PCDHGC5: variants seen among roughly 807,000 people sequenced by gnomAD.
PCDHGC5 encodes the protein protocadherin gamma subfamily C, 5, also known as protocadherin gamma-C5.
In PCDHGC5, 25 loss-of-function variants were observed where a neutral mutation model predicts 59.0. The ratio of observed to expected loss-of-function variants is 0.42; its 90% CI spans 0.31 to 0.59. PCDHGC5 has a LOEUF of 0.59. Ranked by LOEUF, PCDHGC5 falls within the 20% of genes least tolerant of loss-of-function variation. The pLI is 0.13. For synonymous variants in PCDHGC5, 434 were observed against 505.5 expected (o/e 0.86, Z 1.90); for missense variants, 1,067 against 1,206.4 (o/e 0.88, Z 1.71).
intron 3 of PCDHGC5, among the ~76,000 whole-genome samples, chr5:141,509,211 C>T (rs962706371): frequency 2.0e-5 from 3 of 152,180 alleles, no homozygotes; most frequent in African/African-American, 4.8e-5. Context: ...CTCTCTATTT[C>T]TCAATCCCTG....
intron 2 of PCDHGC5, among the ~76,000 whole-genome samples, chr5:141,502,625 T>G (rs2099815384): frequency 6.6e-6 from 1 of 152,210 alleles, no homozygotes; most frequent in Admixed American, 6.5e-5. Context: ...ATAAGTAATC[T>G]GTGGATGATA....
chr5:141,504,937 G>A (rs1350441435), intron 2 of PCDHGC5, among the ~76,000 whole-genome samples: 2 of 152,054 alleles, frequency 1.3e-5, no homozygotes, highest in East Asian at 1.9e-4. Context: ...GGTGGGTGGG[G>A]GAATGCACTA....
At chr5:141,496,021 G>T (rs1011612662) in intron 2 of PCDHGC5, among the ~76,000 whole-genome samples, 2 of 151,336 alleles carry the variant, frequency 1.3e-5, no homozygotes, top group African/African-American at 4.9e-5. Flanking sequence ...TTTTCTCTGA[G>T]CCTCTGTCTC....
chr5:141,495,833 G>A (rs559689667), intron 2 of PCDHGC5, among the ~76,000 whole-genome samples: 3 of 151,876 alleles, frequency 2.0e-5, no homozygotes, highest in African/African-American at 4.8e-5. Context: ...TCTATCCCCA[G>A]CCTCTATGTT....
intron 3 of PCDHGC5, among the ~76,000 whole-genome samples, chr5:141,510,034 T>A (rs2099879281): frequency 6.6e-6 from 1 of 152,156 alleles, no homozygotes; most frequent in Non-Finnish European, 1.5e-5. Flanking sequence ...TGGGCTGTTA[T>A]GTAGAGGTTA....
At chr5:141,497,129 T>G (rs528066007) in intron 2 of PCDHGC5, among the ~76,000 whole-genome samples, 1 of 151,692 alleles carries the variant, frequency 6.6e-6, no homozygotes, top group Admixed American at 6.6e-5. Flanking sequence ...GAGGTTGCAG[T>G]GAGCTGAGAT....
Position 141,490,241 on chromosome 5 carries a change from G to T in PCDHGC5, c.1001G>T (p.Cys334Phe). 2 of 1,614,246 alleles carry T rather than the reference G, an allele frequency of 1.2e-6. No individual in the cohort carries two copies. Among genetic ancestry groups the T allele is most frequent in the Non-Finnish European group, 1.7e-6 (2 of 1,180,048 alleles). Residue 334 changes from cysteine (C) to phenylalanine (F), a missense_variant, in exon 1 of 4, where the codon TGT becomes TTT. Physicochemically the swap from Cys to Phe is radical, Grantham distance 205. Transcript: ENST00000252087. This position sits in a 1 kb window ranked among gnomAD's most constrained non-coding sequence, Gnocchi z 5.4. ...DQGQPAMEGH[C>F]VIQVDVGDVN... is the part of the protein sequence containing the mutation. Reference sequence around the variant, plus strand: ...GGACAGCCTGCCATGGAGGGCCACTGTGTGATTCAAGTGGATGTGGGGGAT... The same window carrying T: ...GGACAGCCTGCCATGGAGGGCCACTTTGTGATTCAAGTGGATGTGGGGGAT...
chr5:141,490,380 T>C lies in PCDHGC5; in HGVS notation c.1140T>C (p.Gly380=), dbSNP rs1246254637. 1 of 1,614,204 alleles carries C rather than the reference T, an allele frequency of 6.2e-7. No individual in the cohort carries two copies. ...GLFNVRDRDS[G]RNGEVSLDIS... is the part of the protein sequence containing the mutation. ...TTAATGTGCGAGACCGGGACTCAGGTAGAAATGGTGAAGTGAGCCTTGATA... is the reference window on the plus strand; with the variant it reads ...TTAATGTGCGAGACCGGGACTCAGGCAGAAATGGTGAAGTGAGCCTTGATA... The change falls in exon 1 of 4, where the codon GGT becomes GGC. Residue 380 remains glycine, a synonymous_variant. Coordinates refer to ENST00000252087, the MANE Select transcript of PCDHGC5 (RefSeq NM_018929.3). This position sits in a 1 kb window ranked among gnomAD's most constrained non-coding sequence, Gnocchi z 5.4.
Position 141,490,046 on chromosome 5 carries a change from C to A in PCDHGC5, c.806C>A (p.Pro269Gln), listed in dbSNP as rs2099695274. ...CTGCTCCGCCTCAATGCCACTGATC[C>A]AGACGAGGGCACCAACGGCCAACTA... The part of the protein sequence containing the change: ...TLLLRLNATD[P>Q]DEGTNGQLDY... The change falls in exon 1 of 4, where the codon CCA becomes CAA. Residue 269 changes from proline (P) to glutamine (Q), a missense_variant. Pro to Gln is a moderately conservative substitution (Grantham distance 76, BLOSUM62 -1). Transcript: ENST00000252087. This position sits in a 1 kb window ranked among gnomAD's most constrained non-coding sequence, Gnocchi z 5.4. 1 of 1,614,094 alleles carries A rather than the reference C, an allele frequency of 6.2e-7. No individual in the cohort carries two copies.
intron 2 of PCDHGC5, among the ~76,000 whole-genome samples, chr5:141,497,522 G>A (rs998999424): frequency 3.3e-5 from 5 of 150,848 alleles, no homozygotes; most frequent in African/African-American, 4.9e-5. Flanking sequence ...TAGTTAACTT[G>A]TGGAGGATGC....
intron 3 of PCDHGC5, among the ~76,000 whole-genome samples, chr5:141,509,962 C>A (rs1186902807): frequency 2.0e-5 from 3 of 152,206 alleles, no homozygotes. Context: ...CGGGTATGGC[C>A]TTGGTCCTTC....
intron 2 of PCDHGC5, among the ~76,000 whole-genome samples, chr5:141,496,419 C>T (rs1292183963): frequency 6.6e-6 from 1 of 152,174 alleles, no homozygotes; most frequent in Non-Finnish European, 1.5e-5. Flanking sequence ...TACTTGCTGT[C>T]CACATTTGCC....
At position 141,489,358 on chromosome 5, in the gene PCDHGC5, G is replaced by A; in HGVS notation, c.118G>A (p.Glu40Lys). The change falls in exon 1 of 4, where the codon GAG becomes AAG. Residue 40 changes from glutamate to lysine, a missense_variant. By Grantham distance (56) the Glu-to-Lys change is moderately conservative. Transcript: ENST00000252087. This position sits in a 1 kb window ranked among gnomAD's most constrained non-coding sequence, Gnocchi z 4.5. ...TCGTTACTCAGTGGTGGAGGAGTCT[G>A]AGCCGGGGACGCTGGTGGGGAATGT... The part of the protein sequence containing the change: ...QLRYSVVEES[E>K]PGTLVGNVAQ... 1 of 1,613,144 alleles carries A rather than the reference G, an allele frequency of 6.2e-7. No individual in the cohort carries two copies. The highest frequency in any genetic ancestry group is 8.5e-7 in the Non-Finnish European group (1 of 1,179,278).
intron 1 of PCDHGC5, among the ~76,000 whole-genome samples, chr5:141,492,103 T>G (rs1458656062): frequency 6.6e-6 from 1 of 152,134 alleles, no homozygotes; most frequent in Non-Finnish European, 1.5e-5. Flanking sequence ...GTCTGTAGAT[T>G]TCCTCTTCGA....
chr5:141,492,499 C>T (rs2099741220), intron 1 of PCDHGC5, among the ~76,000 whole-genome samples: 1 of 152,198 alleles, frequency 6.6e-6, no homozygotes. Context: ...GGCGAGGACT[C>T]CGGAGCCTCC....
chr5:141,509,421 A>T (rs939726886), intron 3 of PCDHGC5, among the ~76,000 whole-genome samples: 5 of 152,088 alleles, frequency 3.3e-5, no homozygotes, highest in Non-Finnish European at 1.5e-5. Context: ...AGCCCCAATG[A>T]GTCAAACTCT....
At position 141,511,262 on chromosome 5, in the gene PCDHGC5, G is replaced by A; in HGVS notation, c.*89G>A. 1 of 1,556,036 alleles carries A rather than the reference G, an allele frequency of 6.4e-7. No individual in the cohort carries two copies. The highest frequency in any genetic ancestry group is 8.7e-7 in the Non-Finnish European group (1 of 1,150,444). On this transcript the variant is annotated 3_prime_UTR_variant, in exon 4 of 4. Transcript: ENST00000252087. ...TGCACCCAGGCCTCAGAGTTTCAGG[G>A]CTAACCCCCAGAATACTGGTAGGGG...
chr5:141,510,529 A>G (rs2099881539), intron 3 of PCDHGC5, among the ~76,000 whole-genome samples: 2 of 152,242 alleles, frequency 1.3e-5, no homozygotes, highest in Admixed American at 6.5e-5. Flanking sequence ...CCCTGAGAGA[A>G]ATACCAGCGA....
chr5:141,489,084 C>G lies in PCDHGC5; in HGVS notation c.-157C>G. ...CTCCCCCCTGCCCACCCCCGCCACT[C>G]GGTGACTAAGAACTGCTGCAAGCAG... On this transcript the variant is annotated 5_prime_UTR_variant, in exon 1 of 4. Transcript: ENST00000252087. This position sits in a 1 kb window ranked among gnomAD's most constrained non-coding sequence, Gnocchi z 4.5. 6.1e-6 allele frequency: 2 copies of G among 329,126 alleles called. No homozygotes were observed. The highest frequency in any genetic ancestry group is 2.5e-5 in the African/African-American group (1 of 40,384). 20.4% of individuals were successfully genotyped at this position (329,126 alleles called of 1,614,324 possible). A position where few individuals can be genotyped will look rare whatever the true frequency, so the allele number is the denominator to read the frequency against.
Sources: allele counts gnomAD v4.1 joint callset (sites outside exome capture counted in the v4.1 genomes callset), GRCh38; gene constraint gnomAD v4.1.1; non-coding constraint Gnocchi (gnomAD v3.1); transcripts MANE v1.5; gene names NCBI Gene and HGNC (gene_info 2026-07-23, HGNC 2026-07-21).